ATF3: variants seen among roughly 807,000 people sequenced by gnomAD.
ATF3 encodes activating transcription factor 3, also known as cyclic AMP-dependent transcription factor ATF-3.
ATF3 carries 10 observed loss-of-function variants against 18.4 expected under a neutral mutation model. The ratio of observed to expected loss-of-function variants is 0.54; its 90% CI spans 0.34 to 0.92. The LOEUF (loss-of-function observed/expected upper bound fraction) is 0.92, where lower values mean the gene tolerates loss of function less well. Ranked by LOEUF, ATF3 falls within the 40% of genes least tolerant of loss-of-function variation. ATF3 has a pLI of 0.02. For missense variants in ATF3, 183 were observed against 222.3 expected (o/e 0.82, Z 1.12); for synonymous variants, 78 against 87.9 (o/e 0.89, Z 0.63).
chr1:212,579,566 C>T lies in ATF3; in HGVS notation c.-5+14083C>T, dbSNP rs555614388. ...TTTACTCCCAGTCCCTCTGGGGGAA[C>T]GGTCAGCCTAGTACACAGCCCAACT... is the stretch of plus-strand genomic sequence containing the variant. On this transcript the variant is annotated intron_variant, in intron 1 of 3. Transcript: ENST00000366981. Among the ~76,000 whole-genome samples, 11 of 152,294 alleles carry T rather than the reference C, an allele frequency of 7.2e-5. 2 individuals carry two copies. Among genetic ancestry groups the T allele is most frequent in the South Asian group, 2.1e-4 (1 of 4,822 alleles).
intron 1 of ATF3, among the ~76,000 whole-genome samples, chr1:212,601,056 A>G (rs1012659772): frequency 4.6e-5 from 7 of 152,250 alleles, no homozygotes; most frequent in African/African-American, 1.7e-4. Flanking sequence ...GTAATAGGAC[A>G]CAATTTGATG....
At chr1:212,584,196 G>A (rs186314490) in intron 1 of ATF3, among the ~76,000 whole-genome samples, 26 of 152,110 alleles carry the variant, frequency 1.7e-4, no homozygotes, top group African/African-American at 4.8e-4. Flanking sequence ...AACTTTTACC[G>A]TCCGGACAGA....
At chr1:212,583,995 G>A (rs1327441448) in intron 1 of ATF3, among the ~76,000 whole-genome samples, 1 of 152,260 alleles carries the variant, frequency 6.6e-6, no homozygotes, top group East Asian at 1.9e-4. Flanking sequence ...TGCCCTCATG[G>A]TAGGTGAAAC....
chr1:212,589,721 A>C (rs1056825852), intron 1 of ATF3, among the ~76,000 whole-genome samples: 3 of 151,814 alleles, frequency 2.0e-5, no homozygotes, highest in African/African-American at 4.8e-5. Flanking sequence ...GAAAAAAAGA[A>C]TGTCTTAAAT....
At chr1:212,592,351 C>A (rs1664903487) in intron 1 of ATF3, among the ~76,000 whole-genome samples, 1 of 151,998 alleles carries the variant, frequency 6.6e-6, no homozygotes, top group Non-Finnish European at 1.5e-5. Context: ...ATAATCACAA[C>A]ATATCTAAAA....
intron 1 of ATF3, 35 bp from the exon 2 acceptor site, chr1:212,614,983 C>T (rs769424468): frequency 1.2e-6 from 2 of 1,614,060 alleles, no homozygotes; most frequent in African/African-American, 1.3e-5. Context: ...GCCCCAGAGC[C>T]CCTGAAACAG....
At chr1:212,606,310 G>T (rs1354004170), upstream of ATF3, among the ~76,000 whole-genome samples, 2 of 152,178 alleles carry the variant, frequency 1.3e-5, no homozygotes, top group Non-Finnish European at 2.9e-5. Context: ...ATCACTTTTC[G>T]GGTTTAGAAT....
chr1:212,614,900 G>A (rs1051159020), intron 1 of ATF3, 118 bp from the exon 2 acceptor site: 1 of 1,582,024 alleles, frequency 6.3e-7, no homozygotes, highest in African/African-American at 1.3e-5. Flanking sequence ...AAACCCAAGG[G>A]CTTATGGGAC....
At chr1:212,611,239 G>A (rs1174277082) in intron 1 of ATF3, among the ~76,000 whole-genome samples, 1 of 152,236 alleles carries the variant, frequency 6.6e-6, no homozygotes, top group African/African-American at 2.4e-5. Context: ...TGAAGAACTT[G>A]GGGTCAATGA....
At position 212,618,297 on chromosome 1, in the gene ATF3, C is replaced by T. The variant is rs1655220862; in HGVS notation, c.348+63C>T. On this transcript the variant is annotated intron_variant, in intron 3 of 3. Transcript: ENST00000341491. This position sits in a 1 kb window ranked among gnomAD's most constrained non-coding sequence, Gnocchi z 4.4. ...GCCTGTCTTCACCAGCTTCATGTGG[C>T]TATCAGAAGAAGAGTTAGAAAACCC... is the stretch of plus-strand genomic sequence containing the variant. 6.6e-7 allele frequency: 1 copy of T among 1,520,550 alleles called. No individual in the cohort carries two copies. Among genetic ancestry groups the T allele is most frequent in the Non-Finnish European group, 9.1e-7 (1 of 1,095,606 alleles). 94.2% of individuals were successfully genotyped at this position (1,520,550 alleles called of 1,614,324 possible).
intron 2 of ATF3, among the ~76,000 whole-genome samples, chr1:212,616,684 A>T (rs1655141088): frequency 6.6e-6 from 1 of 152,174 alleles, no homozygotes; most frequent in Admixed American, 6.5e-5. Flanking sequence ...CACAGAAAGG[A>T]GGCCGTGGCA....
intron 1 of ATF3, among the ~76,000 whole-genome samples, chr1:212,581,574 T>C (rs1664685731): frequency 6.6e-6 from 1 of 152,212 alleles, no homozygotes. Context: ...ACACTTGCAC[T>C]GCAATAGAAA....
intron 1 of ATF3, among the ~76,000 whole-genome samples, chr1:212,598,414 A>G (rs1355910858): frequency 2.6e-5 from 4 of 152,216 alleles, no homozygotes; most frequent in Admixed American, 2.6e-4. Context: ...GAATAATCAC[A>G]TCTTGGGAAA....
chr1:212,578,756 T>C (rs934270637), intron 1 of ATF3, among the ~76,000 whole-genome samples: 7 of 152,184 alleles, frequency 4.6e-5, no homozygotes, highest in Non-Finnish European at 1.0e-4. Flanking sequence ...GTTTTCTGTC[T>C]TTTTCTCCCT....
Position 212,618,367 on chromosome 1 carries a change from C to T in ATF3, c.348+133C>T, listed in dbSNP as rs1275197405. 2.3e-6 allele frequency: 2 copies of T among 883,316 alleles called. No individual in the cohort carries two copies. The highest frequency in any genetic ancestry group is 3.8e-6 in the Non-Finnish European group (2 of 524,304). 54.7% of individuals were successfully genotyped at this position (883,316 alleles called of 1,614,324 possible). A position where few individuals can be genotyped will look rare whatever the true frequency, so the allele number is the denominator to read the frequency against. On this transcript the variant is annotated intron_variant, in intron 3 of 3. Coordinates refer to ENST00000341491, the MANE Select transcript of ATF3 (RefSeq NM_001674.4). This position sits in a 1 kb window ranked among gnomAD's most constrained non-coding sequence, Gnocchi z 4.4. ...CCAAGAAGGGCCTTGTAGCTGGTAG[C>T]AGAAATGCCAGTTGCAGAATGAGGA... is the stretch of plus-strand genomic sequence containing the variant.
chr1:212,598,461 T>C (rs1389489887), intron 1 of ATF3, among the ~76,000 whole-genome samples: 1 of 152,236 alleles, frequency 6.6e-6, no homozygotes, highest in Non-Finnish European at 1.5e-5. Context: ...ATCCTTTGTA[T>C]CTCAATCCAA....
intron 2 of ATF3, among the ~76,000 whole-genome samples, chr1:212,615,697 G>T (rs561719547): frequency 9.9e-5 from 15 of 151,638 alleles, no homozygotes; most frequent in African/African-American, 2.9e-4. Context: ...TCATCTACTT[G>T]CGAGGCTGAG....
intron 2 of ATF3, among the ~76,000 whole-genome samples, chr1:212,615,878 C>T (rs1346816874): frequency 6.6e-6 from 1 of 150,430 alleles, no homozygotes; most frequent in African/African-American, 2.4e-5. Context: ...TAGCCTCAGT[C>T]TCCTGGGCTC....
rs1434864372 is a variant in ATF3, at chr1:212,620,099, ACAC to A, written c.*545_*547del. ...AATGTACTCTTCCGATGTTTGTGTC[ACAC>A]AACACTGATGTGACTTTTATATGCT... On this transcript the variant is annotated 3_prime_UTR_variant, in exon 4 of 4. Coordinates refer to ENST00000341491, the MANE Select transcript of ATF3 (RefSeq NM_001674.4). 5.3e-5 allele frequency: 9 copies of A among 170,084 alleles called. No homozygotes were observed. In the East Asian group the frequency reaches 1.4e-3, roughly 27 times the overall value. 10.5% of individuals were successfully genotyped at this position (170,084 alleles called of 1,614,324 possible). A position where few individuals can be genotyped will look rare whatever the true frequency, so the allele number is the denominator to read the frequency against.
Sources: gnomAD v4.1 joint callset for allele counts (sites outside exome capture counted in the v4.1 genomes callset) on GRCh38, gnomAD v4.1.1 for gene constraint, Gnocchi (gnomAD v3.1) non-coding constraint, MANE v1.5 for transcripts, NCBI Gene and HGNC (gene_info 2026-07-23, HGNC 2026-07-21) for gene names.